Variants in CSMD2 observed in about 807,000 individuals in gnomAD.
CSMD2 encodes the protein CUB and Sushi multiple domains 2, also known as CUB and sushi domain-containing protein 2.
Under a neutral mutation model 398.5 loss-of-function variants are expected in CSMD2, and 130 were observed. The ratio of observed to expected loss-of-function variants is 0.33; its 90% CI spans 0.28 to 0.38. The LOEUF is 0.38. CSMD2 is among the 10% of genes least tolerant of loss of function. The pLI, the probability that CSMD2 is intolerant of heterozygous loss-of-function variation, is 1.00. For missense variants in CSMD2, 3,829 were observed against 4,764.9 expected (o/e 0.80, Z 5.78); for synonymous variants, 1,828 against 1,908.5 (o/e 0.96, Z 1.10).
chr1:33,876,250 C>T (rs1044626615), intron 5 of CSMD2, among the ~76,000 whole-genome samples: 6 of 152,148 alleles, frequency 3.9e-5, no homozygotes, highest in East Asian at 1.9e-4. Flanking sequence ...TTTGTAATTA[C>T]GGGAAGCCAG....
At chr1:34,141,217 T>A (rs944498276) in intron 1 of CSMD2, among the ~76,000 whole-genome samples, 8 of 152,102 alleles carry the variant, frequency 5.3e-5, no homozygotes, top group Non-Finnish European at 1.0e-4. Flanking sequence ...ATGTCTTGGT[T>A]CTCCCTCTGT....
chr1:33,701,323 T>C (rs928535223), intron 22 of CSMD2, among the ~76,000 whole-genome samples: 1 of 152,230 alleles, frequency 6.6e-6, no homozygotes, highest in Non-Finnish European at 1.5e-5. Flanking sequence ...TACAGGCATC[T>C]GGCTTCCCTC....
At chr1:33,672,279 C>A (rs968730919) in intron 25 of CSMD2, among the ~76,000 whole-genome samples, 9 of 152,206 alleles carry the variant, frequency 5.9e-5, no homozygotes, top group African/African-American at 2.2e-4. Context: ...CCTAATACTG[C>A]GCTTTTCCAA....
intron 25 of CSMD2, among the ~76,000 whole-genome samples, chr1:33,688,183 T>C (rs1300302034): frequency 6.6e-6 from 1 of 152,196 alleles, no homozygotes; most frequent in Non-Finnish European, 1.5e-5. Flanking sequence ...AACAGGGGAA[T>C]AGTTAAATAA....
intron 2 of CSMD2, among the ~76,000 whole-genome samples, chr1:34,079,314 TA>T (rs762503974): frequency 7.2e-5 from 11 of 152,106 alleles, no homozygotes; most frequent in Non-Finnish European, 1.5e-4. Flanking sequence ...AAGGAAGAAT[TA>T]AAACTTTTAT....
chr1:34,034,661 TC>T (rs1650892178), intron 2 of CSMD2, among the ~76,000 whole-genome samples: 1 of 152,218 alleles, frequency 6.6e-6, no homozygotes, highest in African/African-American at 2.4e-5. Flanking sequence ...TTCTTTACTT[TC>T]TTTTTTTCTT....
intron 2 of CSMD2, among the ~76,000 whole-genome samples, chr1:34,044,778 C>T (rs953735981): frequency 1.2e-4 from 19 of 152,114 alleles, no homozygotes; most frequent in African/African-American, 4.6e-4. Context: ...GAATGGTTCT[C>T]ATTTAAGGCT....
chr1:34,047,605 A>G (rs1282801780), intron 2 of CSMD2, among the ~76,000 whole-genome samples: 3 of 152,180 alleles, frequency 2.0e-5, no homozygotes, highest in Non-Finnish European at 4.4e-5. Context: ...TAACCCCAGT[A>G]TTGAGAACAG....
chr1:33,946,920 C>T (rs1183510861), intron 3 of CSMD2, among the ~76,000 whole-genome samples: 1 of 152,102 alleles, frequency 6.6e-6, no homozygotes, highest in East Asian at 1.9e-4. Flanking sequence ...TAGGCATGAG[C>T]CACCCCGCCC....
intron 1 of CSMD2, among the ~76,000 whole-genome samples, chr1:34,135,386 C>T (rs896200370): frequency 4.0e-5 from 6 of 151,430 alleles, no homozygotes; most frequent in Non-Finnish European, 8.8e-5. Flanking sequence ...TTTGGGAGGC[C>T]GAGGCGGGTG....
At chr1:34,134,464 T>C (rs1315087169) in intron 1 of CSMD2, among the ~76,000 whole-genome samples, 2 of 152,194 alleles carry the variant, frequency 1.3e-5, no homozygotes, top group East Asian at 1.9e-4. Context: ...GAAATTATTA[T>C]AAAAGAAAGC....
chr1:34,163,668 AAAAACAAAAAAG>A lies in CSMD2; in HGVS notation c.187+1231_187+1242del, dbSNP rs1479648929. ...AAACAAAACAAAACAAAACAAAAAC[AAAAACAAAAAAG>A]AAAACACGGCTCCAGGTCGAAGGTG... On this transcript the variant is annotated intron_variant, in intron 1 of 70. Transcript: ENST00000373381. The surrounding 1 kb of genome is among the most constrained non-coding windows in gnomAD (Gnocchi z 5.4). Among the ~76,000 whole-genome samples, 1 of 152,100 alleles carries A rather than the reference AAAAACAAAAAAG, an allele frequency of 6.6e-6. No homozygotes were observed. The highest frequency in any genetic ancestry group is 1.5e-5 in the Non-Finnish European group (1 of 68,014).
intron 25 of CSMD2, among the ~76,000 whole-genome samples, chr1:33,666,159 TG>T (rs1644309776): frequency 6.6e-6 from 1 of 152,196 alleles, no homozygotes; most frequent in African/African-American, 2.4e-5. Flanking sequence ...TCACCTTACT[TG>T]GGTTTCCATA....
intron 24 of CSMD2, 53 bp downstream of exon 24, chr1:33,698,700 G>T: frequency 6.6e-7 from 1 of 1,518,642 alleles, no homozygotes; most frequent in Non-Finnish European, 9.0e-7. Context: ...CAGGACTAGA[G>T]CTTGGTATTA....
rs373800334 is a variant in CSMD2, at chr1:33,623,973, TG to T, written c.5626-508del. On this transcript the variant is annotated intron_variant, in intron 35 of 70. Transcript: ENST00000373381. Reference sequence around the variant, plus strand: ...CCTCCCTCTGCCTGGCTCTTACCCCTGGGTACCAGTTATGCCCCCAGTTCAG... The same window carrying T: ...CCTCCCTCTGCCTGGCTCTTACCCCTGGTACCAGTTATGCCCCCAGTTCAG... 6.4e-4 allele frequency among the ~76,000 whole-genome samples: 97 copies of T among 152,290 alleles called. 1 individual carries two copies. The highest frequency in any genetic ancestry group is 1.9e-3 in the African/African-American group (78 of 41,566).
chr1:34,106,319 A>G (rs916620368), intron 1 of CSMD2, among the ~76,000 whole-genome samples: 1 of 152,190 alleles, frequency 6.6e-6, no homozygotes, highest in African/African-American at 2.4e-5. Context: ...GAAGGGGCCA[A>G]CATTTCTGTG....
Position 33,992,981 on chromosome 1 carries a change from GA to G in CSMD2, c.517+39612del, listed in dbSNP as rs202199616. On this transcript the variant is annotated intron_variant, in intron 3 of 70. Transcript: ENST00000373381. ...AAAGAGCTCTAAAGACATATGACAT[GA>G]AAAAAAGCAAGTTTCAGAATAGTAC... Among the ~76,000 whole-genome samples, 1,156 of 151,922 alleles carry G rather than the reference GA, an allele frequency of 7.6e-3. 10 individuals carry two copies. Among genetic ancestry groups the G allele is most frequent in the African/African-American group, 0.027 (1,109 of 41,452 alleles).
intron 27 of CSMD2, among the ~76,000 whole-genome samples, chr1:33,655,272 G>A (rs1007267582): frequency 1.3e-5 from 2 of 152,228 alleles, no homozygotes; most frequent in African/African-American, 4.8e-5. Context: ...TTGGCTGTGT[G>A]AGTTTGGGCC....
chr1:33,725,274 G>A, intron 17 of CSMD2, 75 bp downstream of exon 17: 1 of 1,272,634 alleles, frequency 7.9e-7, no homozygotes, highest in African/African-American at 1.5e-5. Flanking sequence ...GGCCTGTGGT[G>A]GAGCACAGTC....
Sources: gnomAD v4.1 joint callset for allele counts (sites outside exome capture counted in the v4.1 genomes callset) on GRCh38, gnomAD v4.1.1 for gene constraint, Gnocchi (gnomAD v3.1) non-coding constraint, MANE v1.5 for transcripts, NCBI Gene and HGNC (gene_info 2026-07-23, HGNC 2026-07-21) for gene names.